EEIG2: variants seen among roughly 807,000 people sequenced by gnomAD.
The protein encoded by EEIG2 is family with sequence similarity 102 member B.
the EEIG2 span, among the ~76,000 whole-genome samples, chr1:108,584,619 C>T: frequency 6.6e-6 from 1 of 152,268 alleles, no homozygotes; most frequent in South Asian, 2.1e-4. Context: ...CAGATTACAA[C>T]CACCTTTCAA....
chr1:108,627,429 G>A, the EEIG2 span: 2 of 152,182 alleles, frequency 1.3e-5, no homozygotes, highest in African/African-American at 4.8e-5. Flanking sequence ...TTCCAAATAT[G>A]ATTGTGCCCT....
At chr1:108,616,967 C>A in the EEIG2 span, among the ~76,000 whole-genome samples, 2 of 151,956 alleles carry the variant, frequency 1.3e-5, no homozygotes, top group South Asian at 2.1e-4. Flanking sequence ...CAGGGGAGGC[C>A]CCCCCCGGTA....
chr1:108,573,752 A>G, the EEIG2 span, among the ~76,000 whole-genome samples: 1 of 152,248 alleles, frequency 6.6e-6, no homozygotes, highest in Admixed American at 6.5e-5. Context: ...AAGTTATACA[A>G]ATGGCCAGAA....
the EEIG2 span, chr1:108,635,007 A>G: frequency 7.4e-6 from 8 of 1,083,042 alleles, no homozygotes; most frequent in East Asian, 1.9e-4. Context: ...AATCTAGTAG[A>G]AAAATACCCA....
At chr1:108,565,074 A>G in the EEIG2 span, among the ~76,000 whole-genome samples, 1 of 152,268 alleles carries the variant, frequency 6.6e-6, no homozygotes, top group African/African-American at 2.4e-5. Flanking sequence ...TTTGTAATAA[A>G]TATTATTAAA....
chr1:108,563,223 G>T, the EEIG2 span, among the ~76,000 whole-genome samples: 40 of 152,280 alleles, frequency 2.6e-4, 1 homozygote, highest in South Asian at 5.4e-3. Context: ...AGACTGTACG[G>T]AGTGGTTTAT....
At chr1:108,560,609 G>A in the EEIG2 span, 4 of 1,591,884 alleles carry the variant, frequency 2.5e-6, no homozygotes, top group East Asian at 9.0e-5. Flanking sequence ...TGCTTGGCCA[G>A]GGCTTGTTGG....
At chr1:108,568,722 G>T in the EEIG2 span, among the ~76,000 whole-genome samples, 2 of 152,130 alleles carry the variant, frequency 1.3e-5, no homozygotes, top group Non-Finnish European at 2.9e-5. Context: ...CAGGGGCCTG[G>T]ACTCTTTTTG....
the EEIG2 span, among the ~76,000 whole-genome samples, chr1:108,613,131 C>T: frequency 3.3e-5 from 5 of 152,102 alleles, no homozygotes; most frequent in East Asian, 1.9e-4. Context: ...GGTGGGACAG[C>T]GAGTTGATAT....
chr1:108,628,927 A>G, the EEIG2 span: 1 of 786,576 alleles, frequency 1.3e-6, no homozygotes, highest in Non-Finnish European at 1.9e-6. Flanking sequence ...AGTAAATTTC[A>G]TGCCCATAAA....
the EEIG2 span, among the ~76,000 whole-genome samples, chr1:108,593,460 A>T: frequency 6.6e-6 from 1 of 152,212 alleles, no homozygotes; most frequent in Non-Finnish European, 1.5e-5. Context: ...ACTCCATCCC[A>T]TGCCTACCCT....
chr1:108,616,209 A>G, the EEIG2 span, among the ~76,000 whole-genome samples: 2 of 151,440 alleles, frequency 1.3e-5, no homozygotes, highest in Non-Finnish European at 2.9e-5. Flanking sequence ...AGCTTACTAT[A>G]ACCTCAAACT....
chr1:108,560,768 T>C, the EEIG2 span, among the ~76,000 whole-genome samples: 2 of 152,198 alleles, frequency 1.3e-5, no homozygotes, highest in East Asian at 3.9e-4. Context: ...AGATGGTGCC[T>C]GGTATCTGCT....
chr1:108,623,091 G>C, the EEIG2 span, among the ~76,000 whole-genome samples: 1 of 151,606 alleles, frequency 6.6e-6, no homozygotes, highest in African/African-American at 2.4e-5. Flanking sequence ...TTTTTAGAAG[G>C]TTAGGGATGT....
At chr1:108,623,283 G>A in the EEIG2 span, among the ~76,000 whole-genome samples, 1 of 152,092 alleles carries the variant, frequency 6.6e-6, no homozygotes, top group Non-Finnish European at 1.5e-5. Context: ...AGACCAGCCT[G>A]GACAACATAG....
the EEIG2 span, among the ~76,000 whole-genome samples, chr1:108,582,657 A>T: frequency 4.1e-4 from 4 of 9,680 alleles, no homozygotes; most frequent in Non-Finnish European, 2.1e-3. Flanking sequence ...AGAAGACTTA[A>T]CAGAATTTTT....
the EEIG2 span, among the ~76,000 whole-genome samples, chr1:108,569,836 A>C: frequency 1.3e-5 from 2 of 152,158 alleles, no homozygotes; most frequent in Non-Finnish European, 2.9e-5. Context: ...TTTAAGATCT[A>C]AATCAGTTAT....
the EEIG2 span, chr1:108,639,255 CT>C: frequency 1.4e-5 from 2 of 138,802 alleles, no homozygotes; most frequent in Non-Finnish European, 3.1e-5. Context: ...TTTACAAAAA[CT>C]TTTTATTTGT....
At chr1:108,588,850 G>T in the EEIG2 span, among the ~76,000 whole-genome samples, 1 of 149,418 alleles carries the variant, frequency 6.7e-6, no homozygotes, top group Non-Finnish European at 1.5e-5. Context: ...GGGGACATAC[G>T]TTTTTTTAAT....
Sources: allele counts gnomAD v4.1 joint callset (sites outside exome capture counted in the v4.1 genomes callset), GRCh38; gene constraint gnomAD v4.1.1; transcripts MANE v1.5; gene names NCBI Gene and HGNC (gene_info 2026-07-23, HGNC 2026-07-21).